PRDM16: variants seen among roughly 807,000 people sequenced by gnomAD.
PRDM16 encodes PR/SET domain 16, also known as histone-lysine N-methyltransferase PRDM16.
Under a neutral mutation model 110.6 loss-of-function variants are expected in PRDM16, and 23 were observed. The ratio of observed to expected loss-of-function variants is 0.21; its 90% CI spans 0.15 to 0.29. PRDM16 has a LOEUF of 0.29. PRDM16 is among the 10% of genes least tolerant of loss of function. PRDM16 has a pLI of 1.00. For synonymous variants in PRDM16, 799 were observed against 781.8 expected, an observed-to-expected ratio of 1.02 and a Z score of -0.37; for missense variants, 1,615 against 1,794.3, an observed-to-expected ratio of 0.90 and a Z score of 1.81.
intron 3 of PRDM16, among the ~76,000 whole-genome samples, chr1:3,247,269 T>A: frequency 6.6e-6 from 1 of 152,232 alleles, no homozygotes; most frequent in East Asian, 1.9e-4. Context: ...AGTTAATTAA[T>A]TCAATCAGCA....
chr1:3,110,936 G>A (rs559988633), intron 1 of PRDM16, among the ~76,000 whole-genome samples: 1 of 152,212 alleles, frequency 6.6e-6, no homozygotes, highest in Non-Finnish European at 1.5e-5. Flanking sequence ...GGTCTAAATC[G>A]AAGGAGGCCA....
chr1:3,337,005 A>G (rs527603377), intron 3 of PRDM16, among the ~76,000 whole-genome samples: 79 of 150,708 alleles, frequency 5.2e-4, no homozygotes, highest in African/African-American at 1.9e-3. Context: ...GCATGCATGC[A>G]TGCACATGTG....
intron 1 of PRDM16, among the ~76,000 whole-genome samples, chr1:3,166,400 ATT>A (rs1202957374): frequency 6.6e-6 from 1 of 152,202 alleles, no homozygotes; most frequent in Non-Finnish European, 1.5e-5. Context: ...AGCGTGGACA[ATT>A]CTAGCAAGGA....
chr1:3,159,807 G>C (rs984767677), intron 1 of PRDM16, among the ~76,000 whole-genome samples: 1 of 152,202 alleles, frequency 6.6e-6, no homozygotes, highest in Non-Finnish European at 1.5e-5. Flanking sequence ...GGGACCACGA[G>C]AGGCACTTAC....
At chr1:3,399,855 A>G (rs143002916) in intron 5 of PRDM16, among the ~76,000 whole-genome samples, 3 of 152,278 alleles carry the variant, frequency 2.0e-5, no homozygotes, top group African/African-American at 7.2e-5. Context: ...TGGCATTTCT[A>G]ACTGAATCAC....
intron 10 of PRDM16, among the ~76,000 whole-genome samples, chr1:3,416,355 G>A (rs1248298207): frequency 6.6e-6 from 1 of 152,190 alleles, no homozygotes; most frequent in Non-Finnish European, 1.5e-5. Flanking sequence ...CGCGTGATGG[G>A]ATAGTTTTGT....
intron 2 of PRDM16, chr1:3,205,859 T>A (rs1638741548): frequency 6.6e-6 from 1 of 152,180 alleles, no homozygotes. Flanking sequence ...CTCCCAACCC[T>A]GAAGCCGGTG....
At chr1:3,215,662 C>A (rs1003972293) in intron 2 of PRDM16, among the ~76,000 whole-genome samples, 2 of 152,200 alleles carry the variant, frequency 1.3e-5, no homozygotes, top group African/African-American at 2.4e-5. Context: ...TGGCTCCAGG[C>A]CACCCCTCCC....
chr1:3,278,186 TC>T (rs990729822), intron 3 of PRDM16, among the ~76,000 whole-genome samples: 2 of 152,208 alleles, frequency 1.3e-5, no homozygotes, highest in African/African-American at 4.8e-5. Flanking sequence ...CGCCTGGTTT[TC>T]CAGCCTCCCA....
intron 12 of PRDM16, among the ~76,000 whole-genome samples, chr1:3,422,186 ATAGG>A (rs932180894): frequency 4.8e-5 from 7 of 147,120 alleles, no homozygotes; most frequent in Non-Finnish European, 7.5e-5. Flanking sequence ...AGATAGATAG[ATAGG>A]TAGGCAGACA....
chr1:3,345,836 C>G (rs951006534), intron 3 of PRDM16, among the ~76,000 whole-genome samples: 1 of 151,506 alleles, frequency 6.6e-6, no homozygotes, highest in African/African-American at 2.4e-5. Flanking sequence ...CGGGTCCTCC[C>G]GTGCTGCCCT....
intron 3 of PRDM16, among the ~76,000 whole-genome samples, chr1:3,316,162 A>C: frequency 6.6e-6 from 1 of 150,870 alleles, no homozygotes. Context: ...GGCGGGAGGG[A>C]CCTTTCAGCT....
chr1:3,303,433 T>C (rs12566936), intron 3 of PRDM16, among the ~76,000 whole-genome samples: 4,050 of 152,258 alleles, frequency 0.027, 295 homozygotes, highest in East Asian at 0.25. Context: ...AATATTCCAT[T>C]GCATGAAACC....
At chr1:3,372,392 G>A (rs1642921824) in intron 3 of PRDM16, among the ~76,000 whole-genome samples, 1 of 152,232 alleles carries the variant, frequency 6.6e-6, no homozygotes, top group Non-Finnish European at 1.5e-5. Context: ...CTGCTGTGGG[G>A]TGCCACGTTT....
intron 3 of PRDM16, among the ~76,000 whole-genome samples, chr1:3,383,276 G>A (rs1429351081): frequency 1.3e-5 from 2 of 152,216 alleles, no homozygotes; most frequent in African/African-American, 4.8e-5. Context: ...GTGTGTGATA[G>A]GGAGCACAGG....
chr1:3,146,886 GGT>G (rs1160968347), intron 1 of PRDM16, among the ~76,000 whole-genome samples: 2 of 121,252 alleles, frequency 1.6e-5, no homozygotes, highest in East Asian at 2.7e-4. Context: ...TTTGGTGTGG[GGT>G]GTGTGTGCAT....
At chr1:3,323,999 A>G (rs1176003925) in intron 3 of PRDM16, among the ~76,000 whole-genome samples, 1 of 152,162 alleles carries the variant, frequency 6.6e-6, no homozygotes, top group Non-Finnish European at 1.5e-5. Context: ...AAAGGAAAGA[A>G]AGAGCTTGCA....
At chr1:3,409,683 T>C (rs894766139) in intron 8 of PRDM16, among the ~76,000 whole-genome samples, 33 of 150,728 alleles carry the variant, frequency 2.2e-4, no homozygotes, top group African/African-American at 7.6e-4. Context: ...GGTGTGTGTG[T>C]GCGTGTGTGT....
chr1:3,410,075 C>T (rs1313067973), intron 8 of PRDM16, among the ~76,000 whole-genome samples: 2 of 115,898 alleles, frequency 1.7e-5, no homozygotes, highest in Admixed American at 9.1e-5. Context: ...TGTGTATGTG[C>T]ATGTGTATGA....
Sources: allele counts gnomAD v4.1 joint callset (sites outside exome capture counted in the v4.1 genomes callset), GRCh38; gene constraint gnomAD v4.1.1; transcripts MANE v1.5; gene names NCBI Gene and HGNC (gene_info 2026-07-23, HGNC 2026-07-21).